The following ATRNL1 variants were observed in gnomAD, a reference collection of about 807,000 sequenced individuals.
ATRNL1 encodes the protein attractin like 1, also known as attractin-like protein 1.
ATRNL1 carries 95 observed loss-of-function variants against 182.7 expected under a neutral mutation model. That is an observed-to-expected ratio of 0.52 (90% confidence interval 0.44 to 0.62). The LOEUF is 0.62. ATRNL1 is among the 20% of genes least tolerant of loss of function. ATRNL1 has a pLI of 0.00. For missense variants in ATRNL1, 1,471 were observed against 1,679.5 expected (o/e 0.88, Z 2.17); for synonymous variants, 576 against 568.3 (o/e 1.01, Z -0.19).
Position 115,480,769 on chromosome 10 carries a change from A to G in ATRNL1, c.3654+11440A>G, listed in dbSNP as rs1046594880. Among the ~76,000 whole-genome samples, 6 of 151,096 alleles carry G rather than the reference A, an allele frequency of 4.0e-5. No homozygotes were observed. The Admixed American group carries it at 4.0e-4, about 10-fold the overall frequency. On this transcript the variant is annotated intron_variant, in intron 24 of 28. Transcript: ENST00000355044. ...AGTGAAACCAGAGACCATATTGCCCACAAAGCTGAAAATATTTACTGTCTG... is the reference window on the plus strand; with the variant it reads ...AGTGAAACCAGAGACCATATTGCCCGCAAAGCTGAAAATATTTACTGTCTG...
chr10:115,697,038 T>A (rs1593083686), intron 26 of ATRNL1, among the ~76,000 whole-genome samples: 1 of 152,162 alleles, frequency 6.6e-6, no homozygotes, highest in East Asian at 1.9e-4. Context: ...CCTTGACATG[T>A]GGGGATTACA....
At chr10:115,566,067 C>T (rs1297248135) in intron 26 of ATRNL1, among the ~76,000 whole-genome samples, 1 of 151,986 alleles carries the variant, frequency 6.6e-6, no homozygotes, top group Admixed American at 6.6e-5. Context: ...TTAAACAATT[C>T]TATACGATAG....
At chr10:115,458,455 C>G (rs1322647896) in intron 21 of ATRNL1, among the ~76,000 whole-genome samples, 1 of 151,946 alleles carries the variant, frequency 6.6e-6, no homozygotes, top group East Asian at 1.9e-4. Context: ...TAATTTTGTT[C>G]TAGATCTCAG....
intron 26 of ATRNL1, among the ~76,000 whole-genome samples, chr10:115,706,652 G>A (rs1421817677): frequency 1.3e-5 from 2 of 151,708 alleles, no homozygotes; most frequent in East Asian, 1.9e-4. Flanking sequence ...GCAGACATCC[G>A]ACTTGTATCA....
In ATRNL1 at chr10:115,105,059, T is replaced by G. The variant is rs150173705; in HGVS notation, c.293+11016T>G. Reference sequence around the variant, plus strand: ...CTGGGTCTTTTTGGCTCTGCATATATTTTATGATTTTTTTTCTATTTTTGT... The same window carrying G: ...CTGGGTCTTTTTGGCTCTGCATATAGTTTATGATTTTTTTTCTATTTTTGT... On this transcript the variant is annotated intron_variant, in intron 1 of 28. Transcript: ENST00000355044. Among the ~76,000 whole-genome samples the G allele has an allele frequency of 8.6e-3, 1,313 of 152,296 alleles. 7 individuals carry two copies. Among genetic ancestry groups the G allele is most frequent in the Non-Finnish European group, 0.014 (947 of 68,012 alleles).
Position 115,641,932 on chromosome 10 carries a change from A to G in ATRNL1, c.3796-85316A>G, listed in dbSNP as rs1555030559. ...TCATCGTGATTATTATAATCATTTC[A>G]TGAGCTCTCTATAGAATATTTGAAA... On this transcript the variant is annotated intron_variant, in intron 26 of 28. Transcript: ENST00000355044. Among the ~76,000 whole-genome samples the G allele has an allele frequency of 3.9e-5, 6 of 152,124 alleles. No homozygotes were observed. The South Asian group carries it at 1.0e-3, about 26-fold the overall frequency.
chr10:115,746,938 C>A (rs1163517687), intron 27 of ATRNL1, among the ~76,000 whole-genome samples: 1 of 152,056 alleles, frequency 6.6e-6, no homozygotes, highest in Non-Finnish European at 1.5e-5. Flanking sequence ...ATATTCCAGA[C>A]AGTATACATT....
chr10:115,928,271 T>C (rs971381173), intron 28 of ATRNL1, among the ~76,000 whole-genome samples: 15 of 152,088 alleles, frequency 9.9e-5, no homozygotes, highest in African/African-American at 3.1e-4. Flanking sequence ...ATTAATTTAT[T>C]GTGTTTTTTC....
At chr10:115,780,366 C>T (rs1949232919) in intron 27 of ATRNL1, among the ~76,000 whole-genome samples, 1 of 152,176 alleles carries the variant, frequency 6.6e-6, no homozygotes. Flanking sequence ...TCTAAATAAA[C>T]TTGAAACACA....
intron 8 of ATRNL1, among the ~76,000 whole-genome samples, chr10:115,182,478 A>G (rs1464631170): frequency 3.3e-5 from 5 of 151,614 alleles, no homozygotes; most frequent in Non-Finnish European, 7.4e-5. Flanking sequence ...AGTAATTATG[A>G]CATAAAATTC....
At chr10:115,136,770 T>C (rs1214468007) in intron 5 of ATRNL1, among the ~76,000 whole-genome samples, 1 of 152,236 alleles carries the variant, frequency 6.6e-6, no homozygotes, top group African/African-American at 2.4e-5. Flanking sequence ...TATGGCTTGA[T>C]AGCTAATTCC....
intron 24 of ATRNL1, among the ~76,000 whole-genome samples, chr10:115,510,310 A>G (rs1850324966): frequency 6.6e-6 from 1 of 152,064 alleles, no homozygotes; most frequent in Non-Finnish European, 1.5e-5. Context: ...AATTTTTATG[A>G]AACAGCATTG....
chr10:115,180,582 C>T (rs1847711891), intron 8 of ATRNL1, among the ~76,000 whole-genome samples: 1 of 151,696 alleles, frequency 6.6e-6, no homozygotes. Context: ...AGAAAAAAAT[C>T]CTTAGGATTT....
chr10:115,196,579 T>C (rs1229330892), intron 8 of ATRNL1, among the ~76,000 whole-genome samples: 1 of 76,436 alleles, frequency 1.3e-5, no homozygotes, highest in Non-Finnish European at 4.0e-5. Flanking sequence ...ACTTCTTTAT[T>C]TAGGTCTCTT....
chr10:115,199,762 G>C (rs1848490636), intron 8 of ATRNL1, among the ~76,000 whole-genome samples: 1 of 152,094 alleles, frequency 6.6e-6, no homozygotes, highest in South Asian at 2.1e-4. Flanking sequence ...GCATTAGTGG[G>C]AAAATGTAAA....
At chr10:115,372,403 T>C (rs1336211671) in intron 19 of ATRNL1, among the ~76,000 whole-genome samples, 1 of 152,190 alleles carries the variant, frequency 6.6e-6, no homozygotes, top group African/African-American at 2.4e-5. Flanking sequence ...TTTTTGTCTA[T>C]TTTTAAGCTT....
chr10:115,500,752 G>C (rs577240468), intron 24 of ATRNL1, among the ~76,000 whole-genome samples: 1 of 151,800 alleles, frequency 6.6e-6, no homozygotes, highest in South Asian at 2.1e-4. Flanking sequence ...TGTTGGTCAG[G>C]CTGGTCTCGA....
intron 7 of ATRNL1, among the ~76,000 whole-genome samples, chr10:115,167,222 T>C (rs906492066): frequency 2.3e-4 from 35 of 151,986 alleles, no homozygotes; most frequent in African/African-American, 8.4e-4. Flanking sequence ...TGAGGGTTTT[T>C]TTTTTCTGGA....
intron 19 of ATRNL1, among the ~76,000 whole-genome samples, chr10:115,391,525 T>G (rs1348927623): frequency 1.3e-5 from 2 of 152,144 alleles, no homozygotes; most frequent in African/African-American, 2.4e-5. Flanking sequence ...CATTCTTCCT[T>G]GACTTAGGGG....
Sources: allele counts gnomAD v4.1 joint callset (sites outside exome capture counted in the v4.1 genomes callset), GRCh38; gene constraint gnomAD v4.1.1; transcripts MANE v1.5; gene names NCBI Gene and HGNC (gene_info 2026-07-23, HGNC 2026-07-21).